Variants in NFASC observed in about 807,000 individuals in gnomAD.
The protein encoded by NFASC is neurofascin homolog.
Under a neutral mutation model 147.5 loss-of-function variants are expected in NFASC, and 43 were observed. The ratio of observed to expected loss-of-function variants is 0.29; its 90% CI spans 0.23 to 0.38. The LOEUF is 0.38. Among genes scored for constraint, NFASC ranks in the 10% least tolerant of loss-of-function variants. The pLI is 1.00. For synonymous variants in NFASC, 622 were observed against 665.5 expected (o/e 0.93, Z 1.01); for missense variants, 1,320 against 1,689.0 (o/e 0.78, Z 3.83).
intron 28 of NFASC, 118 bp downstream of exon 28, chr1:205,009,806 G>A (rs2096216742): frequency 1.0e-5 from 11 of 1,097,518 alleles, no homozygotes; most frequent in South Asian, 4.4e-5. Context: ...GCCCTTGCCC[G>A]GATTGGAAAT....
rs55678495 is a variant in NFASC at position 205,009,576 on chromosome 1, G to A, written c.3309G>A (p.Ala1103=). 220,836 of 1,613,818 alleles carry A rather than the reference G, an allele frequency of 0.14. 16,807 individuals carry two copies. The highest frequency in any genetic ancestry group is 0.16 in the Non-Finnish European group (186,616 of 1,179,768). ...CGCCAGCTTACACCAACAACCAAGCGGACATCGCCACCCAGGGCTGGTTCA... is the reference window on the plus strand; with the variant it reads ...CGCCAGCTTACACCAACAACCAAGCAGACATCGCCACCCAGGGCTGGTTCA... ...MTSTAYTNNQ[A]DIATQGWFIG... is the part of the protein sequence containing the mutation. The change falls in exon 28 of 30, where the codon GCG becomes GCA. Residue 1103 remains alanine (A), a synonymous_variant. Coordinates refer to ENST00000339876, the MANE Select transcript of NFASC (RefSeq NM_001005388.3).
At chr1:204,860,162 T>G (rs1293925329) in intron 1 of NFASC, among the ~76,000 whole-genome samples, 1 of 152,174 alleles carries the variant, frequency 6.6e-6, no homozygotes, top group Non-Finnish European at 1.5e-5. Flanking sequence ...GAGATAGCAG[T>G]GATGTTGTAA....
At chr1:204,837,469 T>G (rs1341269521) in intron 1 of NFASC, among the ~76,000 whole-genome samples, 1 of 152,122 alleles carries the variant, frequency 6.6e-6, no homozygotes, top group Non-Finnish European at 1.5e-5. Context: ...GGAGTGAATT[T>G]TTTTGGCATT....
rs58622694 is a variant in NFASC, at chr1:204,967,636, G to A, written c.707-613G>A. 2.7e-3 allele frequency among the ~76,000 whole-genome samples: 410 copies of A among 152,044 alleles called. 2 individuals carry two copies. The highest frequency in any genetic ancestry group is 9.5e-3 in the African/African-American group (393 of 41,440). On this transcript the variant is annotated intron_variant, in intron 8 of 29. Transcript: ENST00000339876. ...AGCTGTCTTCCCGAGTCATTAGTGA[G>A]GAGGCAGAATGGTCTTGGCCCCGGA...
chr1:204,906,616 T>G (rs2085941585), intron 1 of NFASC, among the ~76,000 whole-genome samples: 1 of 152,236 alleles, frequency 6.6e-6, no homozygotes. Flanking sequence ...ATGGTTTGTT[T>G]CCAGCTTTTG....
At chr1:204,923,715 C>T (rs140489093) in intron 2 of NFASC, among the ~76,000 whole-genome samples, 6 of 151,780 alleles carry the variant, frequency 4.0e-5, no homozygotes. Context: ...GATTTCAGGC[C>T]CCTGAGGCAG....
At chr1:204,856,230 G>A (rs2076141920) in intron 1 of NFASC, among the ~76,000 whole-genome samples, 1 of 152,066 alleles carries the variant, frequency 6.6e-6, no homozygotes, top group Admixed American at 6.5e-5. Context: ...TGGGCAACAG[G>A]GTGGGGAAAG....
At position 204,987,410 on chromosome 1, in the gene NFASC, TC is replaced by T; in HGVS notation, c.2471-4del. On this transcript the variant is annotated splice_polypyrimidine_tract_variant and splice_region_variant and intron_variant, in intron 21 of 29. Coordinates refer to ENST00000339876, the MANE Select transcript of NFASC (RefSeq NM_001005388.3). This position sits in a 1 kb window ranked among gnomAD's most constrained non-coding sequence, Gnocchi z 4.4. ...CTCATCTCCCCTGCTCTCTCCTCCT[TC>T]CCCAAGTACCCAGTGCCCCTAGGCG... is the stretch of plus-strand genomic sequence containing the variant. 2 of 1,613,102 alleles carry T rather than the reference TC, an allele frequency of 1.2e-6. No individual in the cohort carries two copies. The highest frequency in any genetic ancestry group is 1.7e-6 in the Non-Finnish European group (2 of 1,179,364).
At chr1:204,910,264 G>T (rs1027943834) in intron 1 of NFASC, among the ~76,000 whole-genome samples, 37 of 152,148 alleles carry the variant, frequency 2.4e-4, no homozygotes, top group African/African-American at 8.4e-4. Context: ...AATCAGTTCT[G>T]TGTAGTTTTA....
At chr1:205,007,646 C>A (rs1046854988) in intron 27 of NFASC, among the ~76,000 whole-genome samples, 1 of 152,064 alleles carries the variant, frequency 6.6e-6, no homozygotes, top group African/African-American at 2.4e-5. Flanking sequence ...TCAGGAAGAC[C>A]TCTCTAGGAG....
chr1:204,974,582 C>G, intron 13 of NFASC, 75 bp from the exon 14 acceptor site: 1 of 1,531,270 alleles, frequency 6.5e-7, no homozygotes, highest in Non-Finnish European at 9.0e-7. Context: ...CATGGTCTCT[C>G]TTGATTGGCT....
At chr1:204,833,875 A>G (rs1036330406) in intron 1 of NFASC, among the ~76,000 whole-genome samples, 2 of 152,220 alleles carry the variant, frequency 1.3e-5, no homozygotes, top group Non-Finnish European at 2.9e-5. Flanking sequence ...CTCATCTGCA[A>G]AATGGGGATA....
intron 8 of NFASC, among the ~76,000 whole-genome samples, chr1:204,960,213 A>G (rs962259804): frequency 6.6e-6 from 1 of 152,226 alleles, no homozygotes; most frequent in East Asian, 1.9e-4. Context: ...CAGTTTGCCC[A>G]TTTGGGAAGA....
chr1:204,852,530 A>G (rs2075785597), intron 1 of NFASC, among the ~76,000 whole-genome samples: 1 of 152,182 alleles, frequency 6.6e-6, no homozygotes, highest in African/African-American at 2.4e-5. Context: ...CAGAAAGTGG[A>G]GTGAGAATCC....
intron 28 of NFASC, chr1:205,009,921 G>A (rs1354697378): frequency 5.4e-6 from 3 of 556,746 alleles, no homozygotes; most frequent in African/African-American, 3.8e-5. Context: ...TCAGAGAGGG[G>A]ATGGAAGGAA....
At chr1:204,927,602 A>G (rs1166524000) in intron 2 of NFASC, among the ~76,000 whole-genome samples, 1 of 152,052 alleles carries the variant, frequency 6.6e-6, no homozygotes, top group Non-Finnish European at 1.5e-5. Flanking sequence ...AGTATACTCT[A>G]TAAAAAATAC....
chr1:205,006,396 G>C (rs879802401), intron 27 of NFASC, among the ~76,000 whole-genome samples: 1 of 152,218 alleles, frequency 6.6e-6, no homozygotes, highest in East Asian at 1.9e-4. Context: ...TGGCGCAGCT[G>C]GGGGTGAAAT....
chr1:204,945,764 C>G (rs183873767), intron 3 of NFASC, among the ~76,000 whole-genome samples: 1 of 152,154 alleles, frequency 6.6e-6, no homozygotes, highest in Non-Finnish European at 1.5e-5. Context: ...GAGGCTGGCT[C>G]GAGGAGAGTT....
chr1:204,883,855 G>A (rs1462090461), intron 1 of NFASC, among the ~76,000 whole-genome samples: 2 of 152,206 alleles, frequency 1.3e-5, no homozygotes, highest in African/African-American at 4.8e-5. Context: ...CTGCAGGGAT[G>A]AGTGGTGCCT....
Sources: gnomAD v4.1 joint callset for allele counts (sites outside exome capture counted in the v4.1 genomes callset) on GRCh38, gnomAD v4.1.1 for gene constraint, Gnocchi (gnomAD v3.1) non-coding constraint, MANE v1.5 for transcripts, NCBI Gene and HGNC (gene_info 2026-07-23, HGNC 2026-07-21) for gene names.